The following GRIK3 variants were observed in gnomAD, a reference collection of about 807,000 sequenced individuals.
GRIK3 encodes the protein glutamate receptor ionotropic, kainate 3.
A neutral mutation model predicts 102.5 loss-of-function variants in GRIK3; 29 were observed. The observed-to-expected ratio is 0.28, with a 90% CI of 0.21 to 0.39. The LOEUF (loss-of-function observed/expected upper bound fraction) is 0.39. GRIK3 is among the 10% of genes least tolerant of loss of function. The probability of loss-of-function intolerance (pLI) is 1.00; values close to 1 mark genes in which losing one functional copy is unlikely to be tolerated. For synonymous variants in GRIK3, 511 were observed against 504.9 expected (o/e 1.01, Z -0.16); for missense variants, 908 against 1,252.4 (o/e 0.73, Z 4.15).
At chr1:36,929,100 G>A (rs192674211) in intron 1 of GRIK3, among the ~76,000 whole-genome samples, 1 of 152,296 alleles carries the variant, frequency 6.6e-6, no homozygotes, top group African/African-American at 2.4e-5. Context: ...ATAGAGGGGT[G>A]AAGAAACCTG....
At chr1:36,983,892 G>A (rs1415660420) in intron 1 of GRIK3, among the ~76,000 whole-genome samples, 3 of 152,174 alleles carry the variant, frequency 2.0e-5, no homozygotes, top group Non-Finnish European at 4.4e-5. Flanking sequence ...TCTGGGCACT[G>A]AGGCCTGCTC....
At chr1:36,926,646 C>A (rs1641531083) in intron 1 of GRIK3, among the ~76,000 whole-genome samples, 1 of 152,084 alleles carries the variant, frequency 6.6e-6, no homozygotes. Context: ...GCCTTGGCCT[C>A]CCAAAGTGCT....
At chr1:36,876,284 G>A (rs757539735) in intron 3 of GRIK3, among the ~76,000 whole-genome samples, 1 of 152,124 alleles carries the variant, frequency 6.6e-6, no homozygotes, top group African/African-American at 2.4e-5. Context: ...TTGAGCCCTG[G>A]AGTTCAAGGT....
chr1:36,948,477 C>A (rs1641808107), intron 1 of GRIK3, among the ~76,000 whole-genome samples: 1 of 152,138 alleles, frequency 6.6e-6, no homozygotes, highest in African/African-American at 2.4e-5. Flanking sequence ...TGACAGTGCA[C>A]CTACTGTGTG....
chr1:36,987,257 G>C (rs981055840), intron 1 of GRIK3, among the ~76,000 whole-genome samples: 1 of 151,792 alleles, frequency 6.6e-6, no homozygotes, highest in South Asian at 2.1e-4. Context: ...ACTGAGGTTC[G>C]ATTCCATGTC....
intron 1 of GRIK3, among the ~76,000 whole-genome samples, chr1:36,989,616 T>C (rs1642343728): frequency 6.6e-6 from 1 of 152,194 alleles, no homozygotes; most frequent in Non-Finnish European, 1.5e-5. Context: ...CTTGGATCTC[T>C]GGGATCCTCC....
chr1:36,880,760 G>C lies in GRIK3; in HGVS notation c.424C>G (p.Leu142Val). ...ACGTAGAAGGTGTCCTTGTTGTCCAGCGGGTGGTGCTTCCAACGCAGCTGG... is the reference window on the plus strand; with the variant it reads ...ACGTAGAAGGTGTCCTTGTTGTCCACCGGGTGGTGCTTCCAACGCAGCTGG... The part of the protein sequence containing the change: ...HIQLRWKHHP[L>V]DNKDTFYVNL... The change falls in exon 3 of 16, where the codon CTG (leucine) becomes GTG (valine). Residue 142 changes from leucine to valine, a missense_variant. Physicochemically the swap from Leu to Val is conservative, Grantham distance 32 (BLOSUM62 1). This residue lies in a region of GRIK3 where 585 missense variants were observed against 824.9 expected (regional missense o/e 0.71). Transcript: ENST00000373091. This position sits in a 1 kb window ranked among gnomAD's most constrained non-coding sequence, Gnocchi z 5.4. The C allele has an allele frequency of 1.2e-6, 2 of 1,614,184 alleles. No homozygotes were observed. The highest frequency in any genetic ancestry group is 1.7e-6 in the Non-Finnish European group (2 of 1,180,020).
chr1:37,017,411 G>A (rs1163810305), intron 1 of GRIK3, among the ~76,000 whole-genome samples: 1 of 141,192 alleles, frequency 7.1e-6, no homozygotes, highest in African/African-American at 2.7e-5. Context: ...AGAAAAAAAG[G>A]TGTTGAGCTG....
chr1:36,801,961 T>C lies in GRIK3; in HGVS notation c.2650A>G (p.Met884Val), dbSNP rs777297903. ...ATGACGGCGTCAGTCTTGACCATCA[T>C]GGGAGGCTGAGGCTTGTGCTTGACT... ...RRVKHKPQPP[M>V]MVKTDAVINM... Residue 884 changes from methionine (M) to valine (V), a missense_variant, in exon 16 of 16, where the codon ATG becomes GTG. Physicochemically the swap from Met to Val is conservative, Grantham distance 21. Around this residue, in one of 3 missense-constraint regions of GRIK3, gnomAD observed 297 missense variants for 362.7 expected, o/e 0.82. Transcript: ENST00000373091. The C allele has an allele frequency of 1.2e-6, 2 of 1,613,940 alleles. No homozygotes were observed. The highest frequency in any genetic ancestry group is 2.2e-5 in the South Asian group (2 of 91,062).
At chr1:36,851,582 T>G (rs967350655) in intron 8 of GRIK3, among the ~76,000 whole-genome samples, 2 of 152,228 alleles carry the variant, frequency 1.3e-5, no homozygotes, top group Non-Finnish European at 2.9e-5. Context: ...GCACAGACCC[T>G]CACTTGAGCT....
intron 1 of GRIK3, among the ~76,000 whole-genome samples, chr1:36,906,494 C>T (rs1361123821): frequency 6.6e-6 from 1 of 152,190 alleles, no homozygotes; most frequent in Non-Finnish European, 1.5e-5. Context: ...TGCTACTATA[C>T]TATTTAGAAA....
Position 36,800,803 on chromosome 1 carries a change from C to T in GRIK3, c.*1048G>A, listed in dbSNP as rs933515835. 2.6e-5 allele frequency: 4 copies of T among 152,134 alleles called. No individual in the cohort carries two copies. Among genetic ancestry groups the T allele is most frequent in the African/African-American group, 9.7e-5 (4 of 41,362 alleles). 9.4% of individuals were successfully genotyped at this position (152,134 alleles called of 1,614,324 possible). A position where few individuals can be genotyped will look rare whatever the true frequency, so the allele number is the denominator to read the frequency against. ...TTTTGAGGAGGGACAACTTGACTTT[C>T]ACTTCAACCAACTCTTCTTTCAAAA... On this transcript the variant is annotated 3_prime_UTR_variant, in exon 16 of 16. Transcript: ENST00000373091.
chr1:36,825,236 C>T (rs1328862319), intron 11 of GRIK3, among the ~76,000 whole-genome samples: 1 of 152,156 alleles, frequency 6.6e-6, no homozygotes. Context: ...CTAAGCCACC[C>T]ACTGGGCCAC....
At chr1:37,023,733 A>G (rs1390624591) in intron 1 of GRIK3, among the ~76,000 whole-genome samples, 1 of 152,226 alleles carries the variant, frequency 6.6e-6, no homozygotes, top group East Asian at 1.9e-4. Context: ...CAAAAGCTTC[A>G]CTATTCAGAA....
At chr1:36,805,560 G>C (rs540025481) in intron 14 of GRIK3, among the ~76,000 whole-genome samples, 1 of 152,170 alleles carries the variant, frequency 6.6e-6, no homozygotes, top group Admixed American at 6.5e-5. Flanking sequence ...CCCAAACCTC[G>C]CGTCTGTCCC....
intron 1 of GRIK3, among the ~76,000 whole-genome samples, chr1:36,954,457 G>A (rs551872161): frequency 5.3e-4 from 81 of 152,326 alleles, no homozygotes; most frequent in Admixed American, 1.9e-3. Flanking sequence ...GTGGCCTGGA[G>A]GAGGCCCCCG....
chr1:37,033,898 G>C (rs1025084998), intron 1 of GRIK3, 96 bp downstream of exon 1: 4 of 628,476 alleles, frequency 6.4e-6, no homozygotes, highest in African/African-American at 5.8e-5. Context: ...AGCTCGGAGA[G>C]AGGTTAGGAA....
At chr1:36,934,967 C>G (rs893026675) in intron 1 of GRIK3, among the ~76,000 whole-genome samples, 1 of 152,186 alleles carries the variant, frequency 6.6e-6, no homozygotes, top group East Asian at 1.9e-4. Flanking sequence ...TTTCCACTTC[C>G]CTGTTGTATT....
chr1:37,030,935 T>C (rs1234254924), intron 1 of GRIK3, among the ~76,000 whole-genome samples: 2 of 152,058 alleles, frequency 1.3e-5, no homozygotes, highest in East Asian at 3.9e-4. Flanking sequence ...AACAAACTGG[T>C]GGCAGATGCA....
Sources: gnomAD v4.1 joint callset for allele counts (sites outside exome capture counted in the v4.1 genomes callset) on GRCh38, gnomAD v4.1.1 for gene constraint, gnomAD v4.1.1 regional missense constraint, Gnocchi (gnomAD v3.1) non-coding constraint, MANE v1.5 for transcripts, NCBI Gene and HGNC (gene_info 2026-07-23, HGNC 2026-07-21) for gene names.